The following EPHB1 variants were observed in gnomAD, a reference collection of about 807,000 sequenced individuals.
EPHB1 encodes the protein EPH receptor B1, also known as ephrin type-B receptor 1.
EPHB1 carries 30 observed loss-of-function variants against 94.4 expected under a neutral mutation model. That is an observed-to-expected ratio of 0.32 (90% CI 0.24 to 0.43). The LOEUF is 0.43. EPHB1 is among the 20% of genes least tolerant of loss of function. The pLI is 1.00. For synonymous variants in EPHB1, 522 were observed against 489.1 expected (o/e 1.07, Z -0.89); for missense variants, 1,055 against 1,308.3 (o/e 0.81, Z 2.99).
intron 1 of EPHB1, among the ~76,000 whole-genome samples, chr3:134,859,915 A>G (rs917882634): frequency 6.6e-6 from 1 of 151,978 alleles, no homozygotes; most frequent in Admixed American, 6.6e-5. Flanking sequence ...TGCTTTACAT[A>G]ACCTCTATAA....
At chr3:134,934,346 A>G (rs1182824504) in intron 2 of EPHB1, among the ~76,000 whole-genome samples, 22 of 152,190 alleles carry the variant, frequency 1.4e-4, no homozygotes. Flanking sequence ...CTTGGGTGAG[A>G]GCCAGGAAGC....
intron 3 of EPHB1, among the ~76,000 whole-genome samples, chr3:135,052,961 GTA>G (rs1462492515): frequency 4.7e-4 from 51 of 109,504 alleles, no homozygotes; most frequent in Middle Eastern, 6.2e-3. Context: ...ATATATGTGT[GTA>G]TATATATGTG....
intron 3 of EPHB1, among the ~76,000 whole-genome samples, chr3:135,030,753 C>T: frequency 6.6e-6 from 1 of 152,244 alleles, no homozygotes; most frequent in East Asian, 1.9e-4. Flanking sequence ...GGGCTCCACC[C>T]AGTTCAAGCT....
chr3:135,093,460 G>A (rs755205029), intron 3 of EPHB1, among the ~76,000 whole-genome samples: 2 of 152,182 alleles, frequency 1.3e-5, no homozygotes, highest in African/African-American at 2.4e-5. Flanking sequence ...GCCCACACCT[G>A]TAATCCCGGC....
chr3:135,096,687 A>G (rs1355466502), intron 3 of EPHB1, among the ~76,000 whole-genome samples: 1 of 152,206 alleles, frequency 6.6e-6, no homozygotes, highest in African/African-American at 2.4e-5. Context: ...CTCATTGTAC[A>G]CTTACAGGGC....
At chr3:135,033,563 T>C (rs954170361) in intron 3 of EPHB1, among the ~76,000 whole-genome samples, 24 of 152,194 alleles carry the variant, frequency 1.6e-4, no homozygotes, top group Non-Finnish European at 7.3e-5. Flanking sequence ...AAGTTACCAC[T>C]GTTCATTGAG....
chr3:135,203,242 G>T (rs1296727203), intron 12 of EPHB1, among the ~76,000 whole-genome samples: 1 of 152,120 alleles, frequency 6.6e-6, no homozygotes, highest in Non-Finnish European at 1.5e-5. Context: ...ACTGGGGTTT[G>T]TCAGCAGATG....
At chr3:135,047,095 T>G (rs1459775740) in intron 3 of EPHB1, among the ~76,000 whole-genome samples, 1 of 152,260 alleles carries the variant, frequency 6.6e-6, no homozygotes, top group Admixed American at 6.5e-5. Flanking sequence ...CTCTCCTTGA[T>G]GAAAGCCTGT....
intron 14 of EPHB1, 93 bp downstream of exon 14, chr3:135,248,602 T>G: frequency 1.5e-6 from 2 of 1,331,730 alleles, no homozygotes; most frequent in Non-Finnish European, 2.0e-6. Flanking sequence ...GTTCGAATTT[T>G]TTAAAGAGTA....
intron 12 of EPHB1, among the ~76,000 whole-genome samples, chr3:135,234,769 T>C (rs10935156): frequency 0.33 from 50,421 of 152,082 alleles, 8,992 homozygotes; most frequent in Non-Finnish European, 0.38. Context: ...AAGCCCCTTA[T>C]AGAACCATCA....
At chr3:134,818,733 C>T (rs185527160) in intron 1 of EPHB1, among the ~76,000 whole-genome samples, 10 of 152,322 alleles carry the variant, frequency 6.6e-5, no homozygotes, top group Non-Finnish European at 1.5e-5. Flanking sequence ...ATATTCTATC[C>T]TATATACTAT....
intron 11 of EPHB1, among the ~76,000 whole-genome samples, chr3:135,195,560 C>T (rs1942578867): frequency 6.7e-6 from 1 of 150,184 alleles, no homozygotes; most frequent in African/African-American, 2.5e-5. Flanking sequence ...GTTCAATTCC[C>T]ACCTATGAGT....
At chr3:135,109,109 G>A (rs549782641) in intron 4 of EPHB1, among the ~76,000 whole-genome samples, 9 of 152,284 alleles carry the variant, frequency 5.9e-5, no homozygotes, top group African/African-American at 1.4e-4. Context: ...TGAAAAAGCC[G>A]CTGCCTTCCT....
intron 1 of EPHB1, among the ~76,000 whole-genome samples, chr3:134,835,887 C>T (rs979606818): frequency 2.6e-5 from 4 of 152,186 alleles, no homozygotes; most frequent in African/African-American, 9.7e-5. Context: ...CCTGTGGGGT[C>T]CTTTGGTCAT....
At chr3:135,192,853 A>G in intron 11 of EPHB1, 30 bp downstream of exon 11, 1 of 1,604,324 alleles carries the variant, frequency 6.2e-7, no homozygotes, top group Non-Finnish European at 8.5e-7. Context: ...TTGATGATGC[A>G]CTTGGATGCA....
At chr3:135,162,449 T>C (rs1941535158) in intron 7 of EPHB1, among the ~76,000 whole-genome samples, 1 of 152,216 alleles carries the variant, frequency 6.6e-6, no homozygotes, top group East Asian at 1.9e-4. Context: ...ACCTGTCTCA[T>C]GGAGCCAGTG....
intron 1 of EPHB1, among the ~76,000 whole-genome samples, chr3:134,811,242 G>GTTTTTTTTTTTTTTGTTTTTT (rs2036169236): frequency 1.4e-5 from 1 of 73,850 alleles, no homozygotes; most frequent in Non-Finnish European, 2.7e-5. Flanking sequence ...TACTAAGAAG[G>GTTTTTTTTTTTTTTGTTTTTT]TTTTTTTTTT....
intron 1 of EPHB1, among the ~76,000 whole-genome samples, chr3:134,866,327 C>T (rs887433190): frequency 6.6e-6 from 1 of 152,242 alleles, no homozygotes; most frequent in African/African-American, 2.4e-5. Context: ...AAGAAAGAGT[C>T]ACTCGAGGAG....
intron 3 of EPHB1, among the ~76,000 whole-genome samples, chr3:134,965,493 A>G (rs368872397): frequency 1.3e-5 from 2 of 152,142 alleles, no homozygotes; most frequent in East Asian, 3.9e-4. Context: ...TCAGCCCCGG[A>G]GTTCGAGGCT....
Sources: allele counts gnomAD v4.1 joint callset (sites outside exome capture counted in the v4.1 genomes callset), GRCh38; gene constraint gnomAD v4.1.1; transcripts MANE v1.5; gene names NCBI Gene and HGNC (gene_info 2026-07-23, HGNC 2026-07-21).